Variants in RIMS2 observed in about 807,000 individuals in gnomAD.
RIMS2 encodes the protein regulating synaptic membrane exocytosis protein 2.
RIMS2 carries 59 observed loss-of-function variants against 174.4 expected under a neutral mutation model. The observed-to-expected ratio is 0.34, with a 90% confidence interval of 0.27 to 0.42. The LOEUF (loss-of-function observed/expected upper bound fraction) is 0.42, where lower values mean the gene tolerates loss of function less well. Ranked by LOEUF, RIMS2 falls within the 10% of genes least tolerant of loss-of-function variation. The probability of loss-of-function intolerance (pLI) is 1.00; values close to 1 mark genes in which losing one functional copy is unlikely to be tolerated. For synonymous variants in RIMS2, 606 were observed against 572.5 expected (o/e 1.06, Z -0.84); for missense variants, 1,620 against 1,666.3 (o/e 0.97, Z 0.48).
chr8:103,751,718 T>C (rs1224425691), intron 2 of RIMS2, among the ~76,000 whole-genome samples: 2 of 151,460 alleles, frequency 1.3e-5, no homozygotes, highest in Admixed American at 1.3e-4. Context: ...CATTTTTTCA[T>C]GTGTTTTTTG....
intron 1 of RIMS2, among the ~76,000 whole-genome samples, chr8:103,536,946 T>C (rs1840065390): frequency 6.6e-6 from 1 of 152,184 alleles, no homozygotes; most frequent in South Asian, 2.1e-4. Context: ...TGACAATAGG[T>C]TGTAAAACAA....
At chr8:104,093,767 ACTTC>A in intron 19 of RIMS2, 124 bp downstream of exon 24, 1 of 622,966 alleles carries the variant, frequency 1.6e-6, no homozygotes, top group Non-Finnish European at 2.6e-6. Flanking sequence ...GGGGAGCTTA[ACTTC>A]AGTACATACT....
At chr8:104,101,611 A>G (rs1312253223) in intron 19 of RIMS2, among the ~76,000 whole-genome samples, 2 of 152,124 alleles carry the variant, frequency 1.3e-5, no homozygotes, top group Admixed American at 1.3e-4. Flanking sequence ...ACTGTAGTCA[A>G]GCAACTTAAC....
chr8:103,710,517 A>G (rs970287141), intron 2 of RIMS2, among the ~76,000 whole-genome samples: 1 of 152,152 alleles, frequency 6.6e-6, no homozygotes, highest in Non-Finnish European at 1.5e-5. Flanking sequence ...AAAAATAATG[A>G]CTTCATAAGA....
chr8:103,899,945 A>G (rs1449276276), intron 4 of RIMS2, among the ~76,000 whole-genome samples: 1 of 151,624 alleles, frequency 6.6e-6, no homozygotes, highest in Non-Finnish European at 1.5e-5. Flanking sequence ...TATGGCTAGC[A>G]AGTTTTCCCA....
At chr8:103,532,267 G>A (rs981902763) in intron 1 of RIMS2, among the ~76,000 whole-genome samples, 1 of 152,178 alleles carries the variant, frequency 6.6e-6, no homozygotes, top group African/African-American at 2.4e-5. Context: ...AGGAGGGAAG[G>A]AAAAAGTAGT....
At chr8:104,105,594 G>A (rs766845875) in intron 19 of RIMS2, among the ~76,000 whole-genome samples, 57 of 151,992 alleles carry the variant, frequency 3.8e-4, no homozygotes, top group Non-Finnish European at 7.2e-4. Context: ...TTAGGACAGA[G>A]TCTCATTTTG....
chr8:103,939,630 C>T (rs1224799222), intron 13 of RIMS2, among the ~76,000 whole-genome samples: 2 of 152,234 alleles, frequency 1.3e-5, no homozygotes, highest in African/African-American at 4.8e-5. Flanking sequence ...TTGAATTTTT[C>T]CTCAGAAAAT....
intron 19 of RIMS2, among the ~76,000 whole-genome samples, chr8:104,237,511 A>G (rs1012370546): frequency 1.2e-4 from 18 of 152,170 alleles, no homozygotes; most frequent in African/African-American, 2.9e-4. Flanking sequence ...CAAACAAGTC[A>G]CATGACCACA....
chr8:104,211,577 T>G (rs11784028), intron 19 of RIMS2, among the ~76,000 whole-genome samples: 1 of 151,936 alleles, frequency 6.6e-6, no homozygotes, highest in Admixed American at 6.6e-5. Context: ...ATTTTTTTTT[T>G]TTTTTGAGAC....
At chr8:104,016,518 G>A (rs1158002078) in intron 19 of RIMS2, among the ~76,000 whole-genome samples, 2 of 151,844 alleles carry the variant, frequency 1.3e-5, no homozygotes. Context: ...TGTGACTGAT[G>A]GTCTGTTATG....
intron 17 of RIMS2, chr8:103,998,132 T>A (rs1277041257): frequency 3.8e-6 from 5 of 1,311,710 alleles, no homozygotes; most frequent in African/African-American, 1.5e-5. Flanking sequence ...TATACTTTTT[T>A]TTCACTTCTT....
At chr8:104,232,768 AAGTTTGGAAAAGT>A (rs1208254641) in intron 19 of RIMS2, among the ~76,000 whole-genome samples, 1 of 152,174 alleles carries the variant, frequency 6.6e-6, no homozygotes, top group Non-Finnish European at 1.5e-5. Context: ...TTCAGATTCA[AAGTTTGGAAAAGT>A]AGTGCCTCAA....
rs559218452 is a variant in RIMS2, at chr8:103,945,175, G to A, written c.2701+2249G>A. On this transcript the variant is annotated intron_variant, in intron 14 of 23. Coordinates refer to ENST00000504942, the Ensembl canonical transcript of RIMS2. ...TTAAAAGTGTGTAATTCCCCTTTGG[G>A]GAATTACATTGGAATACAATGAACA... Among the ~76,000 whole-genome samples the A allele has an allele frequency of 2.6e-5, 4 of 151,888 alleles. No homozygotes were observed. In the South Asian group the frequency reaches 8.3e-4, roughly 32 times the overall value.
At chr8:103,725,367 T>C (rs1417881545) in intron 2 of RIMS2, among the ~76,000 whole-genome samples, 4 of 152,172 alleles carry the variant, frequency 2.6e-5, no homozygotes, top group Admixed American at 1.3e-4. Context: ...AGGAAGTTTA[T>C]GCATGCCCTT....
chr8:103,937,799 T>C (rs2081605969), intron 13 of RIMS2, among the ~76,000 whole-genome samples: 1 of 152,276 alleles, frequency 6.6e-6, no homozygotes, highest in Admixed American at 6.5e-5. Flanking sequence ...CCAGGGCATG[T>C]CCCTTAATAT....
At chr8:104,072,793 A>G (rs1424093230) in intron 19 of RIMS2, among the ~76,000 whole-genome samples, 1 of 152,228 alleles carries the variant, frequency 6.6e-6, no homozygotes, top group Non-Finnish European at 1.5e-5. Context: ...GAAAGCATCT[A>G]TAGAGCAATG....
exon 14 of RIMS2, chr8:103,942,909 C>G (rs1374332427): frequency 6.2e-7 from 1 of 1,607,700 alleles, no homozygotes; most frequent in African/African-American, 1.3e-5. Context: ...GGAGAGAGCC[C>G]AACACGGAGG....
chr8:103,730,403 A>G (rs2097576598), intron 2 of RIMS2, among the ~76,000 whole-genome samples: 1 of 152,158 alleles, frequency 6.6e-6, no homozygotes, highest in Non-Finnish European at 1.5e-5. Context: ...ATCATTATAT[A>G]ATTACCTTCT....
Sources: gnomAD v4.1 joint callset for allele counts (sites outside exome capture counted in the v4.1 genomes callset) on GRCh38, gnomAD v4.1.1 for gene constraint, MANE v1.5 for transcripts, NCBI Gene and HGNC (gene_info 2026-07-23, HGNC 2026-07-21) for gene names.